The following CSMD1 variants were observed in gnomAD, a reference collection of about 807,000 sequenced individuals.
The protein encoded by CSMD1 is CUB and sushi domain-containing protein 1.
A neutral mutation model predicts 417.5 loss-of-function variants in CSMD1; 213 were observed. The observed-to-expected ratio is 0.51, with a 90% CI of 0.46 to 0.57. CSMD1 has a LOEUF of 0.57. Ranked by LOEUF, CSMD1 falls within the 20% of genes least tolerant of loss-of-function variation. The probability of loss-of-function intolerance (pLI) is 0.00; values close to 1 mark genes in which losing one functional copy is unlikely to be tolerated. For missense variants in CSMD1, 6,923 were observed against 4,529.7 expected (o/e 1.53, Z -15.17); for synonymous variants, 2,862 against 1,736.8 (o/e 1.65, Z -16.11).
At chr8:3,500,859 T>C (rs1031002615) in intron 10 of CSMD1, among the ~76,000 whole-genome samples, 1 of 152,176 alleles carries the variant, frequency 6.6e-6, no homozygotes, top group African/African-American at 2.4e-5. Context: ...TCTGCAGATC[T>C]CTCAGGTATC....
In CSMD1 at chr8:4,385,087, C is replaced by G. The variant is rs761882666; in HGVS notation, c.415+34866G>C. ...GATTACAGGTGCCTTCCAGCACACC[C>G]AGCTAATTTTTGTATTTTTAGAAGA... On this transcript the variant is annotated intron_variant, in intron 3 of 69. Coordinates refer to ENST00000635120, the MANE Select transcript of CSMD1 (RefSeq NM_033225.6). Among the ~76,000 whole-genome samples, 3 of 152,106 alleles carry G rather than the reference C, an allele frequency of 2.0e-5. No homozygotes were observed. The East Asian group carries it at 5.8e-4, about 29-fold the overall frequency.
At chr8:4,432,589 A>G (rs1797930290) in intron 2 of CSMD1, among the ~76,000 whole-genome samples, 1 of 152,046 alleles carries the variant, frequency 6.6e-6, no homozygotes, top group African/African-American at 2.4e-5. Flanking sequence ...AGTAAAGCTC[A>G]CTCCTTTTGC....
At chr8:4,390,556 C>T (rs192725298) in intron 3 of CSMD1, among the ~76,000 whole-genome samples, 190 of 79,604 alleles carry the variant, frequency 2.4e-3, no homozygotes, top group Non-Finnish European at 3.5e-3. Flanking sequence ...CTCTGTTGCC[C>T]AGGCTGGAGT....
intron 4 of CSMD1, 117 bp downstream of exon 4, chr8:4,031,788 T>C: frequency 2.8e-6 from 2 of 716,440 alleles, no homozygotes; most frequent in Non-Finnish European, 4.3e-6. Context: ...GAGCTGACAT[T>C]GTAAGAGTCA....
intron 1 of CSMD1, among the ~76,000 whole-genome samples, chr8:4,686,974 C>A (rs1054297267): frequency 6.6e-6 from 1 of 152,188 alleles, no homozygotes; most frequent in Admixed American, 6.5e-5. Flanking sequence ...GAACGGCACA[C>A]AGGGAGGTGG....
At chr8:3,246,316 C>T (rs1051610464) in intron 26 of CSMD1, among the ~76,000 whole-genome samples, 13 of 152,104 alleles carry the variant, frequency 8.5e-5, no homozygotes, top group African/African-American at 2.9e-4. Flanking sequence ...TACACGGTTC[C>T]CTGAAATGCT....
intron 7 of CSMD1, among the ~76,000 whole-genome samples, chr8:3,635,056 A>G (rs1370002658): frequency 1.3e-5 from 2 of 152,312 alleles, no homozygotes; most frequent in East Asian, 3.9e-4. Flanking sequence ...GATAAAAAAA[A>G]AAATGGGATG....
intron 3 of CSMD1, among the ~76,000 whole-genome samples, chr8:4,036,651 A>G (rs960808240): frequency 1.3e-5 from 2 of 152,220 alleles, no homozygotes; most frequent in Non-Finnish European, 1.5e-5. Context: ...CTAGACATCA[A>G]TGGAGAGCAT....
intron 5 of CSMD1, among the ~76,000 whole-genome samples, chr8:3,754,640 A>C (rs1376777203): frequency 6.6e-6 from 1 of 152,092 alleles, no homozygotes; most frequent in Admixed American, 6.6e-5. Context: ...TTTTTACTAG[A>C]GACAAGGTTT....
At chr8:4,225,697 C>G (rs541753951) in intron 3 of CSMD1, among the ~76,000 whole-genome samples, 2 of 152,198 alleles carry the variant, frequency 1.3e-5, no homozygotes, top group African/African-American at 4.8e-5. Flanking sequence ...TCTCACCAGG[C>G]AAGGATGTTA....
chr8:4,756,464 G>A (rs902514691), intron 1 of CSMD1, among the ~76,000 whole-genome samples: 1 of 152,080 alleles, frequency 6.6e-6, no homozygotes, highest in Non-Finnish European at 1.5e-5. Flanking sequence ...GTTAATTTGG[G>A]GAGGAAATAA....
At chr8:4,142,499 A>T (rs1803850832) in intron 3 of CSMD1, among the ~76,000 whole-genome samples, 2 of 151,302 alleles carry the variant, frequency 1.3e-5, no homozygotes. Flanking sequence ...CAAGCTCGTG[A>T]AAAAGGAGCT....
chr8:4,720,315 A>C (rs1378966666), intron 1 of CSMD1, among the ~76,000 whole-genome samples: 3 of 152,178 alleles, frequency 2.0e-5, no homozygotes, highest in African/African-American at 7.2e-5. Context: ...CCTTCTTCTC[A>C]AAATCTATTG....
chr8:3,913,116 G>C (rs997426358), intron 5 of CSMD1, among the ~76,000 whole-genome samples: 1 of 152,168 alleles, frequency 6.6e-6, no homozygotes, highest in African/African-American at 2.4e-5. Flanking sequence ...CAGTGGTCAT[G>C]TGGGGTTTTG....
intron 26 of CSMD1, among the ~76,000 whole-genome samples, chr8:3,264,889 A>G (rs1801324677): frequency 6.6e-6 from 1 of 151,918 alleles, no homozygotes. Flanking sequence ...GTGTGTATAC[A>G]TTTTTCTTGT....
At chr8:3,531,688 G>C (rs549255373) in intron 10 of CSMD1, among the ~76,000 whole-genome samples, 72 of 152,200 alleles carry the variant, frequency 4.7e-4, no homozygotes, top group Non-Finnish European at 9.0e-4. Context: ...TGAGGGCAAA[G>C]AGTCCTCAGC....
chr8:4,090,898 C>G (rs576178274), intron 3 of CSMD1, among the ~76,000 whole-genome samples: 1 of 151,350 alleles, frequency 6.6e-6, no homozygotes, highest in African/African-American at 2.4e-5. Context: ...TTATTAGTAA[C>G]ATAAGGGGCA....
At chr8:4,961,654 A>T (rs1423610281) in intron 1 of CSMD1, among the ~76,000 whole-genome samples, 1 of 152,120 alleles carries the variant, frequency 6.6e-6, no homozygotes, top group Non-Finnish European at 1.5e-5. Context: ...CATCCAGAAA[A>T]ACCCTACAAG....
At chr8:3,979,789 T>G (rs1813717770) in intron 5 of CSMD1, among the ~76,000 whole-genome samples, 1 of 152,214 alleles carries the variant, frequency 6.6e-6, no homozygotes, top group Admixed American at 6.5e-5. Flanking sequence ...AGCCACCGTC[T>G]GTGGTATCTT....
Sources: allele counts gnomAD v4.1 joint callset (sites outside exome capture counted in the v4.1 genomes callset), GRCh38; gene constraint gnomAD v4.1.1; transcripts MANE v1.5; gene names NCBI Gene and HGNC (gene_info 2026-07-23, HGNC 2026-07-21).